The following LRRFIP1 variants were observed in gnomAD, a reference collection of about 807,000 sequenced individuals.
LRRFIP1 encodes the protein leucine-rich repeat flightless-interacting protein 1.
A neutral mutation model predicts 104.4 loss-of-function variants in LRRFIP1; 62 were observed. The ratio of observed to expected loss-of-function variants is 0.59; its 90% confidence interval spans 0.48 to 0.73. The LOEUF is 0.73. Ranked by LOEUF, LRRFIP1 falls within the 30% of genes least tolerant of loss-of-function variation. The pLI, the probability that LRRFIP1 is intolerant of heterozygous loss-of-function variation, is 0.00. For synonymous variants in LRRFIP1, 300 were observed against 299.0 expected, an observed-to-expected ratio of 1.00 and a Z score of -0.03; for missense variants, 796 against 824.5, an observed-to-expected ratio of 0.97 and a Z score of 0.42.
chr2:237,679,902 C>A (rs972109121), intron 1 of LRRFIP1, among the ~76,000 whole-genome samples: 1 of 152,178 alleles, frequency 6.6e-6, no homozygotes, highest in Non-Finnish European at 1.5e-5. Context: ...GCCACCGCGC[C>A]CAGCCTGATT....
intron 19 of LRRFIP1, 29 bp from the exon 20 acceptor site, chr2:237,769,914 C>G (rs746140135): frequency 4.5e-6 from 7 of 1,571,200 alleles, no homozygotes; most frequent in Non-Finnish European, 6.1e-6. Flanking sequence ...GCGGATTCAC[C>G]TAAACCTGTG....
chr2:237,649,861 A>T lies in LRRFIP1; in HGVS notation c.96+22121A>T, dbSNP rs1048160625. The stretch of plus-strand genomic sequence containing the variant: ...TCCGATTCAACAAAAAAAAAAATTG[A>T]TTACCCCCCGGCATGTCCTAATATA... On this transcript the variant is annotated intron_variant, in intron 1 of 23. Coordinates refer to ENST00000308482, the MANE Select transcript of LRRFIP1 (RefSeq NM_001137550.2). The surrounding 1 kb of genome is among the most constrained non-coding windows in gnomAD (Gnocchi z 4.1). Among the ~76,000 whole-genome samples the T allele has an allele frequency of 6.8e-6, 1 of 146,906 alleles. No homozygotes were observed. The highest frequency in any genetic ancestry group is 2.4e-5 in the African/African-American group (1 of 41,202).
At chr2:237,753,868 C>A (rs931645641) in intron 15 of LRRFIP1, among the ~76,000 whole-genome samples, 1 of 147,730 alleles carries the variant, frequency 6.8e-6, no homozygotes, top group East Asian at 2.0e-4. Flanking sequence ...GTGGATATAT[C>A]GTGTGTATGT....
At chr2:237,719,141 A>G (rs1391222591) in intron 4 of LRRFIP1, among the ~76,000 whole-genome samples, 1 of 152,164 alleles carries the variant, frequency 6.6e-6, no homozygotes, top group Non-Finnish European at 1.5e-5. Flanking sequence ...TCCTTTTCGG[A>G]TATTGTGTGG....
At chr2:237,664,583 G>A (rs73093448) in intron 1 of LRRFIP1, among the ~76,000 whole-genome samples, 17,664 of 152,230 alleles carry the variant, frequency 0.12, 1,171 homozygotes, top group African/African-American at 0.18. Context: ...CAAGGGTCTG[G>A]CCTCTGGAAG....
chr2:237,627,634 C>T lies in LRRFIP1; in HGVS notation c.-11C>T. On this transcript the variant is annotated 5_prime_UTR_variant, in exon 1 of 24. Coordinates refer to ENST00000308482, the MANE Select transcript of LRRFIP1 (RefSeq NM_001137550.2). ...CAACGGGCCCCGCGGCAGCTGCGGG[C>T]GACGCGGTCGATGGACATGGGCACC... 3 of 1,304,292 alleles carry T rather than the reference C, an allele frequency of 2.3e-6. No individual in the cohort carries two copies. Among genetic ancestry groups the T allele is most frequent in the South Asian group, 1.8e-5 (1 of 54,320 alleles). The allele number at this position is 1,304,292 out of a possible 1,614,324, so 80.8% of individuals were successfully genotyped here. A position where few individuals can be genotyped will look rare whatever the true frequency, so the allele number is the denominator to read the frequency against.
At chr2:237,727,811 T>G (rs2094822591) in intron 7 of LRRFIP1, 65 bp from the exon 8 acceptor site, 1 of 1,250,204 alleles carries the variant, frequency 8.0e-7, no homozygotes, top group Non-Finnish European at 1.2e-6. Flanking sequence ...TGGTCCCTGC[T>G]GATTTGTACC....
intron 1 of LRRFIP1, among the ~76,000 whole-genome samples, chr2:237,670,678 C>T (rs1021476217): frequency 6.6e-5 from 10 of 152,198 alleles, no homozygotes; most frequent in Non-Finnish European, 1.0e-4. Context: ...TCTGTCACAG[C>T]GCTCCCAGAT....
intron 1 of LRRFIP1, among the ~76,000 whole-genome samples, chr2:237,679,563 G>C (rs1351713038): frequency 6.6e-6 from 1 of 152,210 alleles, no homozygotes; most frequent in Non-Finnish European, 1.5e-5. Context: ...CAGTAAGATA[G>C]TTTGTAATAA....
In LRRFIP1 at chr2:237,763,737, A is replaced by G. The variant is rs1431006481; in HGVS notation, c.1459+3532A>G. The G allele has an allele frequency of 2.5e-6, 4 of 1,614,142 alleles. No homozygotes were observed. In the African/African-American group the frequency reaches 4.0e-5, roughly 16 times the overall value. ...GCTGAGGAGGTACTAGCTGATGGAG[A>G]CACATTAGATTTTGAGGATGACACC... On this transcript the variant is annotated intron_variant, in intron 19 of 23. Coordinates refer to ENST00000308482, the MANE Select transcript of LRRFIP1 (RefSeq NM_001137550.2).
At position 237,679,513 on chromosome 2, in the gene LRRFIP1, T is replaced by C. The variant is rs555328556; in HGVS notation, c.97-29031T>C. On this transcript the variant is annotated intron_variant, in intron 1 of 23. Transcript: ENST00000308482. Reference sequence around the variant, plus strand: ...AATTTGTAAATACTTGCGGATTATGTGTATGTCTAATCCAAAAAGTCAGTC... The same window carrying C: ...AATTTGTAAATACTTGCGGATTATGCGTATGTCTAATCCAAAAAGTCAGTC... Among the ~76,000 whole-genome samples, 6 of 152,344 alleles carry C rather than the reference T, an allele frequency of 3.9e-5. No homozygotes were observed. In the East Asian group the frequency reaches 9.6e-4, roughly 24 times the overall value.
intron 1 of LRRFIP1, among the ~76,000 whole-genome samples, chr2:237,628,496 G>A (rs918898087): frequency 2.0e-5 from 3 of 151,922 alleles, no homozygotes; most frequent in African/African-American, 7.3e-5. Context: ...ATGACATCCA[G>A]AAAGCCGTAC....
intron 19 of LRRFIP1, among the ~76,000 whole-genome samples, chr2:237,761,337 C>A (rs960263491): frequency 5.9e-5 from 9 of 152,204 alleles, no homozygotes; most frequent in African/African-American, 1.9e-4. Context: ...GCCAGCCTGG[C>A]AACCTAGCAA....
chr2:237,656,579 G>A (rs527747670), intron 1 of LRRFIP1, among the ~76,000 whole-genome samples: 20 of 152,274 alleles, frequency 1.3e-4, no homozygotes, highest in Middle Eastern at 3.4e-3. Context: ...GTATTCCTGC[G>A]TGCACACTGA....
intron 19 of LRRFIP1, chr2:237,765,920 G>A (rs1186332201): frequency 1.5e-5 from 15 of 984,814 alleles, no homozygotes; most frequent in Non-Finnish European, 1.8e-5. Context: ...GTGCAAGCCT[G>A]TGGTTCCACT....
intron 1 of LRRFIP1, chr2:237,692,262 C>G: frequency 8.7e-7 from 1 of 1,152,372 alleles, no homozygotes; most frequent in Middle Eastern, 3.6e-4. Context: ...CCCCTGTCGG[C>G]CGCGCCCGAG....
intron 1 of LRRFIP1, among the ~76,000 whole-genome samples, chr2:237,659,705 C>T (rs945608746): frequency 2.0e-5 from 3 of 151,294 alleles, no homozygotes; most frequent in African/African-American, 4.9e-5. Context: ...TACAGCGGTG[C>T]GATCATTGCT....
At chr2:237,689,382 C>T (rs182164397) in intron 1 of LRRFIP1, among the ~76,000 whole-genome samples, 5 of 152,270 alleles carry the variant, frequency 3.3e-5, no homozygotes, top group African/African-American at 1.2e-4. Context: ...GGCTGAAACC[C>T]AAGTCAGAAT....
intron 1 of LRRFIP1, among the ~76,000 whole-genome samples, chr2:237,671,671 G>A (rs2090358035): frequency 2.6e-5 from 4 of 151,904 alleles, no homozygotes; most frequent in Admixed American, 2.6e-4. Flanking sequence ...TGCTCCCCGT[G>A]TCTGTGTCCC....
Sources: gnomAD v4.1 joint callset for allele counts (sites outside exome capture counted in the v4.1 genomes callset) on GRCh38, gnomAD v4.1.1 for gene constraint, Gnocchi (gnomAD v3.1) non-coding constraint, MANE v1.5 for transcripts, NCBI Gene and HGNC (gene_info 2026-07-23, HGNC 2026-07-21) for gene names.